Variants in MGMT observed in about 807,000 individuals in gnomAD.
MGMT encodes the protein methylated-DNA--protein-cysteine methyltransferase.
MGMT carries 14 observed loss-of-function variants against 15.9 expected under a neutral mutation model. The observed-to-expected ratio is 0.88, with a 90% confidence interval of 0.58 to 1.37. The LOEUF (loss-of-function observed/expected upper bound fraction) is 1.37, where lower values mean the gene tolerates loss of function less well. Among genes scored for constraint, MGMT ranks in the 40% most tolerant of loss-of-function variants. MGMT has a pLI of 0.00. For synonymous variants in MGMT, 130 were observed against 118.2 expected (o/e 1.10, Z -0.65); for missense variants, 282 against 268.1 (o/e 1.05, Z -0.36).
intron 2 of MGMT, among the ~76,000 whole-genome samples, chr10:129,553,397 G>A (rs891002173): frequency 6.6e-6 from 1 of 152,210 alleles, no homozygotes; most frequent in African/African-American, 2.4e-5. Context: ...ATTCCTGGAC[G>A]CAGGTGCCTT....
At chr10:129,609,111 A>G (rs1025730114) in intron 2 of MGMT, among the ~76,000 whole-genome samples, 5 of 152,162 alleles carry the variant, frequency 3.3e-5, no homozygotes, top group African/African-American at 1.2e-4. Flanking sequence ...AGGGAGGGGC[A>G]GTGCCTGTGG....
At position 129,659,867 on chromosome 10, in the gene MGMT, C is replaced by T. The variant is rs1193178450; in HGVS notation, c.126-48028C>T. 2.6e-5 allele frequency among the ~76,000 whole-genome samples: 4 copies of T among 152,286 alleles called. No homozygotes were observed. The highest frequency in any genetic ancestry group is 2.1e-4 in the South Asian group (1 of 4,832). On this transcript the variant is annotated intron_variant, in intron 2 of 4. Transcript: ENST00000651593. This position sits in a 1 kb window ranked among gnomAD's most constrained non-coding sequence, Gnocchi z 4.1. ...ATGCCCAGCACCTGATGTTTGGGCA[C>T]GGGCGACAGGACGTAGGGTGGTCAT... is the stretch of plus-strand genomic sequence containing the variant.
chr10:129,687,180 T>C (rs953497301), intron 2 of MGMT, among the ~76,000 whole-genome samples: 2 of 152,046 alleles, frequency 1.3e-5, no homozygotes, highest in Non-Finnish European at 2.9e-5. Flanking sequence ...TTTACATTTA[T>C]TTTTTAATCC....
At chr10:129,516,956 T>C (rs1845744776) in intron 1 of MGMT, among the ~76,000 whole-genome samples, 1 of 152,208 alleles carries the variant, frequency 6.6e-6, no homozygotes, top group Admixed American at 6.5e-5. Context: ...TTATAGAATA[T>C]TGGGGTTAGC....
Position 129,727,916 on chromosome 10 carries a change from A to G in MGMT, c.274+19873A>G, listed in dbSNP as rs569291089. 3.9e-5 allele frequency among the ~76,000 whole-genome samples: 6 copies of G among 152,312 alleles called. No individual in the cohort carries two copies. The South Asian group carries it at 1.2e-3, about 32-fold the overall frequency. Reference sequence around the variant, plus strand: ...AACACATGGAGTAAGGGGAAACAACATAGACTGAGGCTGGGCCTGTGTGTG... The same window carrying G: ...AACACATGGAGTAAGGGGAAACAACGTAGACTGAGGCTGGGCCTGTGTGTG... On this transcript the variant is annotated intron_variant, in intron 3 of 4. Coordinates refer to ENST00000651593, the MANE Select transcript of MGMT (RefSeq NM_002412.5).
chr10:129,544,341 A>T (rs1846076706), intron 2 of MGMT, among the ~76,000 whole-genome samples: 1 of 152,206 alleles, frequency 6.6e-6, no homozygotes, highest in Non-Finnish European at 1.5e-5. Flanking sequence ...TTCAGGTTTC[A>T]GGAAGGTCAC....
At chr10:129,621,626 C>G (rs1196317397) in intron 2 of MGMT, among the ~76,000 whole-genome samples, 15 of 152,130 alleles carry the variant, frequency 9.9e-5, no homozygotes, top group African/African-American at 3.4e-4. Flanking sequence ...TTGCTTGGAA[C>G]AGGAAGGAGC....
At chr10:129,746,339 ATC>A (rs1440343615) in intron 3 of MGMT, among the ~76,000 whole-genome samples, 2 of 150,044 alleles carry the variant, frequency 1.3e-5, no homozygotes, top group Non-Finnish European at 1.5e-5. Context: ...AGTTCAATTT[ATC>A]TCTCTCTTTT....
chr10:129,706,287 A>G (rs1646081650), intron 2 of MGMT, among the ~76,000 whole-genome samples: 1 of 152,150 alleles, frequency 6.6e-6, no homozygotes, highest in Admixed American at 6.5e-5. Context: ...CCTTGTGTGG[A>G]CAGAGTTGGG....
At chr10:129,683,964 A>G (rs1047323224) in intron 2 of MGMT, among the ~76,000 whole-genome samples, 3 of 152,214 alleles carry the variant, frequency 2.0e-5, no homozygotes, top group Non-Finnish European at 4.4e-5. Flanking sequence ...TCATCACAAA[A>G]GGACCCTGGC....
chr10:129,720,016 G>A (rs953675079), intron 3 of MGMT, among the ~76,000 whole-genome samples: 3 of 152,184 alleles, frequency 2.0e-5, no homozygotes, highest in Non-Finnish European at 2.9e-5. Flanking sequence ...CCGTTATTAG[G>A]AAGTGCTGCT....
At chr10:129,487,800 T>G (rs1010315013) in intron 1 of MGMT, among the ~76,000 whole-genome samples, 4 of 152,028 alleles carry the variant, frequency 2.6e-5, no homozygotes, top group Admixed American at 6.5e-5. Context: ...TGTAGGTGTA[T>G]GTATGTATAT....
At chr10:129,484,559 C>T (rs923316882) in intron 1 of MGMT, among the ~76,000 whole-genome samples, 5 of 151,930 alleles carry the variant, frequency 3.3e-5, no homozygotes, top group African/African-American at 7.3e-5. Context: ...TGTCCCAGTC[C>T]CCTTGTTTTA....
At chr10:129,752,823 A>T (rs1469009716) in intron 3 of MGMT, among the ~76,000 whole-genome samples, 6 of 152,122 alleles carry the variant, frequency 3.9e-5, no homozygotes, top group African/African-American at 1.4e-4. Context: ...GCTTTTGGCT[A>T]ATAAACATAT....
chr10:129,544,246 T>G (rs1453622212), intron 2 of MGMT, among the ~76,000 whole-genome samples: 2 of 152,178 alleles, frequency 1.3e-5, no homozygotes, highest in Non-Finnish European at 1.5e-5. Context: ...TTACATTGTA[T>G]GCTGTGCAGG....
chr10:129,494,766 A>G (rs1172433758), intron 1 of MGMT, among the ~76,000 whole-genome samples: 2 of 152,148 alleles, frequency 1.3e-5, no homozygotes, highest in African/African-American at 2.4e-5. Context: ...TAATGGTCTT[A>G]AGAGGTCTTT....
chr10:129,539,646 A>ACCTGCT (rs1374641914), intron 2 of MGMT, among the ~76,000 whole-genome samples: 1 of 152,064 alleles, frequency 6.6e-6, no homozygotes, highest in African/African-American at 2.4e-5. Context: ...AGCTGAGACT[A>ACCTGCT]CAGGCGCCTG....
At chr10:129,474,490 T>A (rs545607747) in intron 1 of MGMT, among the ~76,000 whole-genome samples, 2 of 152,272 alleles carry the variant, frequency 1.3e-5, no homozygotes, top group African/African-American at 4.8e-5. Flanking sequence ...GTGCTTTTTA[T>A]GTGAGGGAAG....
intron 2 of MGMT, among the ~76,000 whole-genome samples, chr10:129,608,665 C>T (rs556738502): frequency 1.2e-4 from 19 of 152,206 alleles, no homozygotes; most frequent in Non-Finnish European, 2.5e-4. Flanking sequence ...ATTCCTTCAC[C>T]TTCTTGCCCA....
Sources: allele counts gnomAD v4.1 joint callset (sites outside exome capture counted in the v4.1 genomes callset), GRCh38; gene constraint gnomAD v4.1.1; non-coding constraint Gnocchi (gnomAD v3.1); transcripts MANE v1.5; gene names NCBI Gene and HGNC (gene_info 2026-07-23, HGNC 2026-07-21).